The following POU3F3 variants were observed in gnomAD, a reference collection of about 807,000 sequenced individuals.
The protein encoded by POU3F3 is POU class 3 homeobox 3.
Under a neutral mutation model 8.6 loss-of-function variants are expected in POU3F3, and 1 was observed. The observed-to-expected ratio is 0.12, with a 90% CI of 0.04 to 0.55. The LOEUF (loss-of-function observed/expected upper bound fraction) is 0.55. Ranked by LOEUF, POU3F3 falls within the 20% of genes least tolerant of loss-of-function variation. The pLI is 0.91. For synonymous variants in POU3F3, 418 were observed against 327.4 expected (o/e 1.28, Z -2.99); for missense variants, 577 against 690.7 (o/e 0.84, Z 1.84).
At chr2:104,869,406 T>C in the POU3F3 span, among the ~76,000 whole-genome samples, 5 of 152,204 alleles carry the variant, frequency 3.3e-5, 1 homozygote, top group African/African-American at 1.2e-4. Flanking sequence ...TTCAAACAAG[T>C]TGTGAGTAGA....
the POU3F3 span, among the ~76,000 whole-genome samples, chr2:104,910,953 G>A: frequency 6.6e-6 from 1 of 152,130 alleles, no homozygotes; most frequent in African/African-American, 2.4e-5. Context: ...ATTGTATTAG[G>A]TATTACAAGT....
chr2:104,856,373 C>T lies in POU3F3; in HGVS notation c.863C>T (p.Ala288Val). ...AHPHPPHPHH[A>V]QGPPHHGGGG... ...CCTCACCCGCCGCACCCGCACCACG[C>T]GCAGGGACCCCCGCACCACGGCGGC... Residue 288 changes from alanine (A) to valine (V), a missense_variant, in exon 1 of 1, where the codon GCG (alanine) becomes GTG (valine). Coordinates refer to ENST00000361360, the MANE Select transcript of POU3F3 (RefSeq NM_006236.3). 6.5e-7 allele frequency: 1 copy of T among 1,543,360 alleles called. No individual in the cohort carries two copies. Among genetic ancestry groups the T allele is most frequent in the Non-Finnish European group, 8.7e-7 (1 of 1,147,780 alleles).
chr2:104,886,958 G>GA, the POU3F3 span, among the ~76,000 whole-genome samples: 25 of 151,512 alleles, frequency 1.7e-4, no homozygotes, highest in African/African-American at 5.1e-4. Flanking sequence ...GAAAGCAAAG[G>GA]AAAAAAAAGG....
At chr2:104,900,988 A>G in the POU3F3 span, among the ~76,000 whole-genome samples, 1 of 151,930 alleles carries the variant, frequency 6.6e-6, no homozygotes, top group Admixed American at 6.6e-5. Context: ...GCTCCACTTT[A>G]CCTCTGTTTT....
chr2:104,855,713 C>G lies in POU3F3; in HGVS notation c.203C>G (p.Ser68Cys). ...VTSGAYRGDP[S>C]SVKMVQSDFM... ...TCGGGCGCCTACCGGGGGGACCCGT[C>G]CTCTGTCAAGATGGTCCAGAGCGAC... is the stretch of plus-strand genomic sequence containing the variant. Residue 68 changes from serine (S) to cysteine (C), a missense_variant, in exon 1 of 1, where the codon TCC (serine) becomes TGC (cysteine). By Grantham distance (112) the Ser-to-Cys change is moderately radical (BLOSUM62 -1). Coordinates refer to ENST00000361360, the MANE Select transcript of POU3F3 (RefSeq NM_006236.3). 8.0e-7 allele frequency: 1 copy of G among 1,253,042 alleles called. No individual in the cohort carries two copies. 77.6% of individuals were successfully genotyped at this position (1,253,042 alleles called of 1,614,324 possible). A position where few individuals can be genotyped will look rare whatever the true frequency, so the allele number is the denominator to read the frequency against.
chr2:104,916,260 C>T, the POU3F3 span, among the ~76,000 whole-genome samples: 1 of 152,116 alleles, frequency 6.6e-6, no homozygotes, highest in Non-Finnish European at 1.5e-5. Flanking sequence ...ATCTATCTAA[C>T]TAGATTTATT....
Position 104,856,457 on chromosome 2 carries a change from C to T in POU3F3, c.947C>T (p.Thr316Met), listed in dbSNP as rs1294471097. ...NSHDPHSDED[T>M]PTSDDLEQFA... ...CACGACCCGCACTCGGACGAGGACACGCCGACGTCGGACGACCTGGAGCAG... is the reference window on the plus strand; with the variant it reads ...CACGACCCGCACTCGGACGAGGACATGCCGACGTCGGACGACCTGGAGCAG... The change falls in exon 1 of 1, where the codon ACG (threonine) becomes ATG (methionine). Residue 316 changes from threonine (T) to methionine (M), a missense_variant. By Grantham distance (81) the Thr-to-Met change is moderately conservative. Around this residue, in one of 7 missense-constraint regions of POU3F3, gnomAD observed 20 missense variants for 107.7 expected, o/e 0.19. Coordinates refer to ENST00000361360, the MANE Select transcript of POU3F3 (RefSeq NM_006236.3). 2.5e-6 allele frequency: 4 copies of T among 1,612,882 alleles called. No individual in the cohort carries two copies. The highest frequency in any genetic ancestry group is 2.2e-5 in the East Asian group (1 of 44,830).
the POU3F3 span, among the ~76,000 whole-genome samples, chr2:104,902,115 T>A: frequency 2.0e-5 from 3 of 151,978 alleles, no homozygotes; most frequent in Non-Finnish European, 2.9e-5. Context: ...TATCTCTCCC[T>A]CTCTTCCCTC....
the POU3F3 span, among the ~76,000 whole-genome samples, chr2:104,883,497 A>C: frequency 6.6e-6 from 1 of 152,200 alleles, no homozygotes; most frequent in Non-Finnish European, 1.5e-5. Context: ...AGCTCTGTGC[A>C]CAATGTGCTA....
chr2:104,871,051 A>T, the POU3F3 span, among the ~76,000 whole-genome samples: 5 of 152,134 alleles, frequency 3.3e-5, no homozygotes, highest in Admixed American at 1.3e-4. Flanking sequence ...CACCTTCCAA[A>T]CATCCCAATA....
At chr2:104,872,831 G>A in the POU3F3 span, among the ~76,000 whole-genome samples, 1 of 152,228 alleles carries the variant, frequency 6.6e-6, no homozygotes, top group Admixed American at 6.5e-5. The surrounding 1 kb of genome is among the most constrained non-coding windows in gnomAD (Gnocchi z 4.6). Context: ...ATTAAGGAGA[G>A]GACTAGGGAA....
the POU3F3 span, chr2:104,872,554 C>T: frequency 3.1e-6 from 1 of 321,398 alleles, no homozygotes; most frequent in Non-Finnish European, 6.1e-6. This position sits in a 1 kb window ranked among gnomAD's most constrained non-coding sequence, Gnocchi z 4.6. Flanking sequence ...CCTCCCGGTC[C>T]CCGAGTTCCC....
At chr2:104,865,376 A>G in the POU3F3 span, 3 of 152,386 alleles carry the variant, frequency 2.0e-5, no homozygotes, top group South Asian at 2.1e-4. Context: ...TCCTAACACT[A>G]GACATGATTA....
the POU3F3 span, among the ~76,000 whole-genome samples, chr2:104,899,534 T>A: frequency 6.6e-6 from 1 of 152,202 alleles, no homozygotes; most frequent in Non-Finnish European, 1.5e-5. Context: ...ATACCCTGGA[T>A]CCAAGTCATC....
At chr2:104,895,150 C>A in the POU3F3 span, among the ~76,000 whole-genome samples, 1 of 152,010 alleles carries the variant, frequency 6.6e-6, no homozygotes, top group Non-Finnish European at 1.5e-5. Context: ...CATACAGCTG[C>A]ACCTTTTTGG....
chr2:104,910,886 CAATA>C, the POU3F3 span, among the ~76,000 whole-genome samples: 1 of 151,754 alleles, frequency 6.6e-6, no homozygotes, highest in Non-Finnish European at 1.5e-5. Flanking sequence ...ACAATAAAAA[CAATA>C]AAAAAATACA....
the POU3F3 span, among the ~76,000 whole-genome samples, chr2:104,891,761 G>A: frequency 6.6e-6 from 1 of 152,270 alleles, no homozygotes; most frequent in Admixed American, 6.5e-5. Context: ...AACTTTTATA[G>A]AAATCTTCTT....
Position 104,856,391 on chromosome 2 carries a change from A to ACGGCGG in POU3F3, c.896_901dup (p.Gly299_Gly300dup), listed in dbSNP as rs546400611. 7.7e-5 allele frequency: 120 copies of ACGGCGG among 1,565,774 alleles called. No individual in the cohort carries two copies. In the Middle Eastern group the frequency reaches 7.9e-4, roughly 10 times the overall value. Reference sequence around the variant, plus strand: ...CACCACGCGCAGGGACCCCCGCACCACGGCGGCGGCGGCGGCGGCGCGGGG... The same window carrying ACGGCGG: ...CACCACGCGCAGGGACCCCCGCACCACGGCGGCGGCGGCGGCGGCGGCGGCGCGGGG... On this transcript the variant is annotated inframe_insertion, in exon 1 of 1. Transcript: ENST00000361360.
chr2:104,857,536 G>C lies in POU3F3; in HGVS notation c.*523G>C, dbSNP rs1033166016. 6.5e-6 allele frequency: 1 copy of C among 153,682 alleles called. No individual in the cohort carries two copies. The highest frequency in any genetic ancestry group is 6.5e-5 in the Admixed American group (1 of 15,272). 9.5% of individuals were successfully genotyped at this position (153,682 alleles called of 1,614,324 possible). On this transcript the variant is annotated 3_prime_UTR_variant, in exon 1 of 1. Transcript: ENST00000361360. ...CGTCTTCTCCTCTTTGAAAAAAAGAGAGAGAGAGAGTCCCCTTTCCTTTCA... is the reference window on the plus strand; with the variant it reads ...CGTCTTCTCCTCTTTGAAAAAAAGACAGAGAGAGAGTCCCCTTTCCTTTCA...
Sources: gnomAD v4.1 joint callset for allele counts (sites outside exome capture counted in the v4.1 genomes callset) on GRCh38, gnomAD v4.1.1 for gene constraint, gnomAD v4.1.1 regional missense constraint, Gnocchi (gnomAD v3.1) non-coding constraint, MANE v1.5 for transcripts, NCBI Gene and HGNC (gene_info 2026-07-23, HGNC 2026-07-21) for gene names.